MACROD2: variants seen among roughly 807,000 people sequenced by gnomAD.
MACROD2 encodes ADP-ribose glycohydrolase MACROD2.
A neutral mutation model predicts 70.4 loss-of-function variants in MACROD2; 36 were observed. That is an observed-to-expected ratio of 0.51 (90% CI 0.39 to 0.68). The LOEUF is 0.68. MACROD2 is among the 30% of genes least tolerant of loss of function. The pLI is 0.00. For synonymous variants in MACROD2, 172 were observed against 178.8 expected, an observed-to-expected ratio of 0.96 and a Z score of 0.30; for missense variants, 496 against 538.4, an observed-to-expected ratio of 0.92 and a Z score of 0.78.
Position 15,746,589 on chromosome 20 carries a change from G to A in MACROD2, c.646-116156G>A, listed in dbSNP as rs75131248. On this transcript the variant is annotated intron_variant, in intron 8 of 17. Coordinates refer to ENST00000684519, the MANE Select transcript of MACROD2 (RefSeq NM_001351661.2). Reference sequence around the variant, plus strand: ...AAAAAAAAAAAAAAAAAAAGAAACGGTGAAACTTTCATCATTTTATAATTT... The same window carrying A: ...AAAAAAAAAAAAAAAAAAAGAAACGATGAAACTTTCATCATTTTATAATTT... 2.1e-4 allele frequency among the ~76,000 whole-genome samples: 31 copies of A among 144,746 alleles called. No homozygotes were observed. In the East Asian group the frequency reaches 5.6e-3, roughly 26 times the overall value. 95.0% of individuals were successfully genotyped at this position (144,746 alleles called of 152,430 possible).
At chr20:14,369,188 ATC>A (rs1465358260) in intron 3 of MACROD2, among the ~76,000 whole-genome samples, 2 of 152,196 alleles carry the variant, frequency 1.3e-5, no homozygotes, top group Non-Finnish European at 2.9e-5. Flanking sequence ...TTTTCAAGGA[ATC>A]TCTGCTGCAT....
intron 5 of MACROD2, among the ~76,000 whole-genome samples, chr20:15,135,469 G>C (rs2076139592): frequency 6.9e-6 from 1 of 145,042 alleles, no homozygotes; most frequent in Non-Finnish European, 1.5e-5. Context: ...AAAGCCACGT[G>C]ATTATCTCAA....
chr20:15,056,277 C>T (rs775693666), intron 5 of MACROD2, among the ~76,000 whole-genome samples: 8 of 152,270 alleles, frequency 5.3e-5, no homozygotes, highest in East Asian at 1.9e-4. Context: ...AAGATAACTT[C>T]GCCTCGTCCT....
At chr20:14,413,472 C>T (rs1281264744) in intron 3 of MACROD2, among the ~76,000 whole-genome samples, 1 of 151,932 alleles carries the variant, frequency 6.6e-6, no homozygotes, top group African/African-American at 2.4e-5. Flanking sequence ...TTTATGGACC[C>T]TGTTGAAAGA....
chr20:15,887,258 A>G (rs2064833887), intron 10 of MACROD2, among the ~76,000 whole-genome samples: 2 of 152,252 alleles, frequency 1.3e-5, no homozygotes, highest in African/African-American at 4.8e-5. Context: ...TTTCTTCATA[A>G]AAGTTCATTG....
intron 5 of MACROD2, among the ~76,000 whole-genome samples, chr20:14,811,719 T>A (rs1435520099): frequency 6.6e-6 from 1 of 151,700 alleles, no homozygotes; most frequent in Non-Finnish European, 1.5e-5. Flanking sequence ...ACAAGGAACT[T>A]AAACAAATTT....
intron 4 of MACROD2, among the ~76,000 whole-genome samples, chr20:14,666,189 C>G (rs1486068125): frequency 6.6e-6 from 1 of 152,070 alleles, no homozygotes; most frequent in African/African-American, 2.4e-5. Context: ...ATGATATCCC[C>G]AAGTATATTC....
chr20:14,631,647 C>T (rs1390521537), intron 4 of MACROD2, among the ~76,000 whole-genome samples: 1 of 152,116 alleles, frequency 6.6e-6, no homozygotes, highest in East Asian at 1.9e-4. Context: ...TGGTGGCGGG[C>T]GCCTGTAGTC....
At chr20:14,554,110 C>T (rs1464234377) in intron 4 of MACROD2, among the ~76,000 whole-genome samples, 1 of 152,074 alleles carries the variant, frequency 6.6e-6, no homozygotes, top group African/African-American at 2.4e-5. Flanking sequence ...AGTTTTTCCC[C>T]CATGTCCCTA....
chr20:14,429,066 A>G (rs978159209), intron 3 of MACROD2, among the ~76,000 whole-genome samples: 1 of 152,078 alleles, frequency 6.6e-6, no homozygotes, highest in Non-Finnish European at 1.5e-5. Context: ...TAAATTAACT[A>G]CTCCTCTTGG....
intron 5 of MACROD2, among the ~76,000 whole-genome samples, chr20:14,969,194 T>G (rs1209720093): frequency 1.3e-5 from 2 of 151,428 alleles, no homozygotes; most frequent in East Asian, 3.9e-4. Flanking sequence ...TGTACAGGAA[T>G]AGAAAAAAAC....
intron 3 of MACROD2, among the ~76,000 whole-genome samples, chr20:14,249,538 A>G (rs374578656): frequency 1.3e-5 from 2 of 152,108 alleles, no homozygotes; most frequent in South Asian, 4.1e-4. Context: ...ACAGGGGGTC[A>G]CAGAGCTATG....
chr20:15,197,338 G>A lies in MACROD2; in HGVS notation c.419-32602G>A, dbSNP rs560604313. The stretch of plus-strand genomic sequence containing the variant: ...TAATTAAAATAGTATATATATATAT[G>A]TGTTTTCATAGTTTTATAGATTTTT... On this transcript the variant is annotated intron_variant, in intron 5 of 17. Transcript: ENST00000684519. Among the ~76,000 whole-genome samples, 6 of 151,986 alleles carry A rather than the reference G, an allele frequency of 3.9e-5. No homozygotes were observed. In the South Asian group the frequency reaches 8.3e-4, roughly 21 times the overall value.
intron 3 of MACROD2, among the ~76,000 whole-genome samples, chr20:14,291,538 A>G (rs1415823356): frequency 6.6e-6 from 1 of 151,918 alleles, no homozygotes; most frequent in Non-Finnish European, 1.5e-5. Context: ...TGAGAGTGAT[A>G]TGAGTTTGCA....
intron 3 of MACROD2, among the ~76,000 whole-genome samples, chr20:14,333,034 A>T (rs2082872961): frequency 1.3e-5 from 2 of 152,040 alleles, no homozygotes; most frequent in South Asian, 2.1e-4. Context: ...ATTTTCCATG[A>T]TCATCAGATT....
chr20:14,890,970 C>CCTTCCTTT, intron 5 of MACROD2, among the ~76,000 whole-genome samples: 1 of 135,306 alleles, frequency 7.4e-6, no homozygotes, highest in Admixed American at 7.3e-5. Context: ...TTCCTTCCTT[C>CCTTCCTTT]CTTCCTTCCT....
intron 6 of MACROD2, among the ~76,000 whole-genome samples, chr20:15,279,844 T>G (rs1489038382): frequency 6.6e-6 from 1 of 152,144 alleles, no homozygotes; most frequent in African/African-American, 2.4e-5. Context: ...GCAAAAAAAT[T>G]GACAAATTCT....
In MACROD2 at chr20:14,614,056, A is replaced by G. The variant is rs1173815330; in HGVS notation, c.302-70787A>G. On this transcript the variant is annotated intron_variant, in intron 4 of 17. Coordinates refer to ENST00000684519, the MANE Select transcript of MACROD2 (RefSeq NM_001351661.2). ...TATTTTTATAAATTTTACTCAACAC[A>G]AATTAGTTTACTTTTCATGCTGTCT... Among the ~76,000 whole-genome samples, 6 of 152,092 alleles carry G rather than the reference A, an allele frequency of 3.9e-5. No homozygotes were observed. In the East Asian group the frequency reaches 1.2e-3, roughly 29 times the overall value.
chr20:15,505,199 G>T (rs1262851397), intron 8 of MACROD2, among the ~76,000 whole-genome samples: 2 of 152,208 alleles, frequency 1.3e-5, no homozygotes, highest in Non-Finnish European at 2.9e-5. Flanking sequence ...AGTCATGGTG[G>T]TCATATTCAA....
Sources: gnomAD v4.1 joint callset for allele counts (sites outside exome capture counted in the v4.1 genomes callset) on GRCh38, gnomAD v4.1.1 for gene constraint, MANE v1.5 for transcripts, NCBI Gene and HGNC (gene_info 2026-07-23, HGNC 2026-07-21) for gene names.